Variants in ARMH1 observed in about 807,000 individuals in gnomAD.
The protein encoded by ARMH1 is armadillo-like helical domain containing protein 1.
Under a neutral mutation model 50.2 loss-of-function variants are expected in ARMH1, and 34 were observed. The observed-to-expected ratio is 0.68, with a 90% confidence interval of 0.51 to 0.90. The LOEUF is 0.90. ARMH1 is among the 40% of genes least tolerant of loss of function. The pLI, the probability that ARMH1 is intolerant of heterozygous loss-of-function variation, is 0.00. For missense variants in ARMH1, 538 were observed against 553.9 expected (o/e 0.97, Z 0.29); for synonymous variants, 221 against 224.2 (o/e 0.99, Z 0.13).
At chr1:44,698,466 C>T (rs1276626363) in intron 4 of ARMH1, among the ~76,000 whole-genome samples, 1 of 152,156 alleles carries the variant, frequency 6.6e-6, no homozygotes, top group Non-Finnish European at 1.5e-5. Context: ...TATCCTCTTT[C>T]AGGCATCCAT....
At chr1:44,688,713 C>G (rs1222496140) in intron 1 of ARMH1, among the ~76,000 whole-genome samples, 1 of 152,220 alleles carries the variant, frequency 6.6e-6, no homozygotes, top group African/African-American at 2.4e-5. Context: ...CCCATCAGCA[C>G]TAACATTTGT....
At chr1:44,699,734 G>A (rs1362134710) in intron 4 of ARMH1, among the ~76,000 whole-genome samples, 1 of 152,084 alleles carries the variant, frequency 6.6e-6, no homozygotes, top group African/African-American at 2.4e-5. Context: ...TTACAGGCAT[G>A]AGTCACCGCA....
chr1:44,677,496 A>G (rs1227426349), intron 1 of ARMH1, among the ~76,000 whole-genome samples: 1 of 152,206 alleles, frequency 6.6e-6, no homozygotes, highest in Non-Finnish European at 1.5e-5. Context: ...AAAAAAATGT[A>G]TGGACTAGAG....
chr1:44,692,035 T>C (rs2148621116), intron 2 of ARMH1, among the ~76,000 whole-genome samples: 1 of 152,288 alleles, frequency 6.6e-6, no homozygotes, highest in South Asian at 2.1e-4. Context: ...CTCTACAGAT[T>C]TATCTCAGAC....
At position 44,724,164 on chromosome 1, in the gene ARMH1, AGGCGCTGCTCAAGGGCCTCGT is replaced by A. The variant is rs749496651; in HGVS notation, c.777_797del (p.Lys260_Leu266del). 1.4e-5 allele frequency: 21 copies of A among 1,551,576 alleles called. No individual in the cohort carries two copies. Among genetic ancestry groups the A allele is most frequent in the South Asian group, 1.2e-4 (10 of 84,058 alleles). ...GACCTGGTCGGTTACGATGTGCGCC[AGGCGCTGCTCAAGGGCCTCGT>A]GGCGCTGCTGATACCGTCGGTCAAG... is the stretch of plus-strand genomic sequence containing the variant. On this transcript the variant is annotated inframe_deletion, in exon 7 of 12. Coordinates refer to ENST00000535358, the MANE Select transcript of ARMH1 (RefSeq NM_001145636.2). The surrounding 1 kb of genome is among the most constrained non-coding windows in gnomAD (Gnocchi z 6.4).
intron 6 of ARMH1, among the ~76,000 whole-genome samples, chr1:44,710,615 A>T (rs987942429): frequency 1.3e-5 from 2 of 151,530 alleles, no homozygotes; most frequent in African/African-American, 4.8e-5. Context: ...TCTCAAAAAA[A>T]AAAAAAAAAA....
At chr1:44,696,321 T>G (rs1348952903) in intron 2 of ARMH1, among the ~76,000 whole-genome samples, 1 of 152,244 alleles carries the variant, frequency 6.6e-6, no homozygotes, top group East Asian at 1.9e-4. Context: ...AACCATTACA[T>G]TAGCCTTTAT....
At chr1:44,688,040 T>G (rs1273206347) in intron 1 of ARMH1, among the ~76,000 whole-genome samples, 6 of 152,106 alleles carry the variant, frequency 3.9e-5, no homozygotes, top group Non-Finnish European at 7.4e-5. Flanking sequence ...CTCCCTGGGG[T>G]CTAGAACAGC....
At chr1:44,713,097 CTTTT>C (rs538780455) in intron 6 of ARMH1, among the ~76,000 whole-genome samples, 10 of 118,854 alleles carry the variant, frequency 8.4e-5, no homozygotes, top group Admixed American at 4.5e-4. Flanking sequence ...TGCGCCCGGC[CTTTT>C]TTTTTTTTTT....
rs1351316479 is a variant in ARMH1, at chr1:44,689,675, G to A, written c.-22-1G>A. On this transcript the variant is annotated splice_acceptor_variant, in intron 1 of 11. Transcript: ENST00000535358. LOFTEE classifies it low-confidence loss of function (5UTR_SPLICE). ...CCTGTCTCTTTTCCCTCCCTCTGTAGCCAACTTCAGGACTGATTGATCATG... is the reference window on the plus strand; with the variant it reads ...CCTGTCTCTTTTCCCTCCCTCTGTAACCAACTTCAGGACTGATTGATCATG... 2.0e-5 allele frequency: 31 copies of A among 1,550,246 alleles called. No homozygotes were observed. Among genetic ancestry groups the A allele is most frequent in the Non-Finnish European group, 2.7e-5 (31 of 1,145,700 alleles).
intron 3 of ARMH1, among the ~76,000 whole-genome samples, chr1:44,697,488 G>T (rs139344978): frequency 6.6e-6 from 1 of 152,230 alleles, no homozygotes; most frequent in Non-Finnish European, 1.5e-5. Flanking sequence ...ACATATTTCA[G>T]CCCTAACTAG....
intron 6 of ARMH1, chr1:44,721,901 T>G (rs935343668): frequency 1.3e-5 from 2 of 152,232 alleles, no homozygotes; most frequent in African/African-American, 4.8e-5. Context: ...AAACCAGAGA[T>G]CTGCCTGTTA....
chr1:44,689,988 G>A, intron 2 of ARMH1, 85 bp downstream of exon 2: 2 of 1,200,020 alleles, frequency 1.7e-6, no homozygotes, highest in Non-Finnish European at 1.2e-6. Flanking sequence ...GGGAGGCCAA[G>A]GTGGGCAGAT....
intron 4 of ARMH1, 113 bp from the exon 5 acceptor site, chr1:44,700,810 G>A (rs1319204623): frequency 1.1e-6 from 1 of 919,440 alleles, no homozygotes; most frequent in African/African-American, 1.7e-5. Flanking sequence ...ATTTTGCTTT[G>A]GTTGAACAGG....
intron 1 of ARMH1, among the ~76,000 whole-genome samples, chr1:44,675,199 G>A (rs1048947101): frequency 1.3e-5 from 2 of 152,130 alleles, no homozygotes; most frequent in Admixed American, 6.5e-5. Context: ...TGTCTTAACG[G>A]GAGAGGGAGA....
chr1:44,675,088 A>G (rs1475683739), intron 1 of ARMH1, among the ~76,000 whole-genome samples: 1 of 152,054 alleles, frequency 6.6e-6, no homozygotes, highest in South Asian at 2.1e-4. Context: ...TTTACATACT[A>G]TGTGCCAGCA....
At chr1:44,717,220 C>G (rs1208550023) in intron 6 of ARMH1, among the ~76,000 whole-genome samples, 1 of 152,200 alleles carries the variant, frequency 6.6e-6, no homozygotes, top group Non-Finnish European at 1.5e-5. Flanking sequence ...CCTTCCTTTT[C>G]TCTGAAATGA....
At chr1:44,711,202 A>G (rs535032454) in intron 6 of ARMH1, among the ~76,000 whole-genome samples, 20 of 152,344 alleles carry the variant, frequency 1.3e-4, no homozygotes, top group Middle Eastern at 3.4e-3. Context: ...TCTTTGGGGT[A>G]TATTACCTAG....
At chr1:44,676,905 G>A (rs1645157912) in intron 1 of ARMH1, among the ~76,000 whole-genome samples, 2 of 152,078 alleles carry the variant, frequency 1.3e-5, no homozygotes, top group African/African-American at 4.8e-5. Flanking sequence ...AAACTATAAG[G>A]GAAAGAAGAT....
Sources: allele counts gnomAD v4.1 joint callset (sites outside exome capture counted in the v4.1 genomes callset), GRCh38; gene constraint gnomAD v4.1.1; non-coding constraint Gnocchi (gnomAD v3.1); transcripts MANE v1.5; gene names NCBI Gene and HGNC (gene_info 2026-07-23, HGNC 2026-07-21).